Variants in DENND4C observed in about 807,000 individuals in gnomAD.
The protein encoded by DENND4C is DENN domain-containing protein 4C.
DENND4C carries 108 observed loss-of-function variants against 203.0 expected under a neutral mutation model. That is an observed-to-expected ratio of 0.53 (90% CI 0.46 to 0.62). The LOEUF is 0.62. Ranked by LOEUF, DENND4C falls within the 20% of genes least tolerant of loss-of-function variation. The pLI, the probability that DENND4C is intolerant of heterozygous loss-of-function variation, is 0.00. For synonymous variants in DENND4C, 871 were observed against 792.4 expected (o/e 1.10, Z -1.67); for missense variants, 2,481 against 2,301.2 (o/e 1.08, Z -1.60).
chr9:19,305,476 A>T lies in DENND4C; in HGVS notation c.1436A>T (p.Asp479Val), dbSNP rs1485095943. The T allele has an allele frequency of 6.2e-7, 1 of 1,613,754 alleles. No homozygotes were observed. The highest frequency in any genetic ancestry group is 8.5e-7 in the Non-Finnish European group (1 of 1,179,936). The change falls in exon 10 of 33, where the codon GAC becomes GTC. Residue 479 changes from aspartate (D) to valine (V), a missense_variant. This residue lies in a region of DENND4C where 2,289 missense variants were observed against 2,113.3 expected (regional missense o/e 1.08). Transcript: ENST00000434457. ...GACTCAAGGTATTTTGATCTTCATG[A>T]CCCACCACAAGATGTTGTTTGCATT... ...GVDSRYFDLH[D>V]PPQDVVCIDL...
At chr9:19,277,509 A>G (rs1182932819) in intron 2 of DENND4C, among the ~76,000 whole-genome samples, 1 of 152,082 alleles carries the variant, frequency 6.6e-6, no homozygotes, top group African/African-American at 2.4e-5. Context: ...TTGTGTGCTA[A>G]TCTTGCACTC....
intron 9 of DENND4C, among the ~76,000 whole-genome samples, chr9:19,302,857 C>T (rs1275981823): frequency 2.0e-5 from 3 of 152,166 alleles, no homozygotes; most frequent in Non-Finnish European, 1.5e-5. Flanking sequence ...TTATATATCC[C>T]CTTGGCTAAA....
chr9:19,306,941 C>G (rs1839803952), intron 10 of DENND4C, among the ~76,000 whole-genome samples: 2 of 151,802 alleles, frequency 1.3e-5, no homozygotes, highest in Non-Finnish European at 2.9e-5. Flanking sequence ...GCCACCACAC[C>G]TGGCTAATTT....
chr9:19,351,444 G>T (rs1364740463), intron 24 of DENND4C, among the ~76,000 whole-genome samples: 1 of 152,148 alleles, frequency 6.6e-6, no homozygotes, highest in African/African-American at 2.4e-5. Context: ...TGTCATTGAA[G>T]TTTCTTACTC....
intron 12 of DENND4C, among the ~76,000 whole-genome samples, chr9:19,321,932 C>T (rs1842953458): frequency 2.0e-5 from 3 of 151,658 alleles, no homozygotes; most frequent in Non-Finnish European, 4.4e-5. Context: ...ATGGTTTGTC[C>T]TTAGATAGGA....
intron 1 of DENND4C, among the ~76,000 whole-genome samples, chr9:19,251,283 T>C (rs1248596629): frequency 2.0e-5 from 3 of 152,246 alleles, no homozygotes; most frequent in African/African-American, 7.2e-5. Context: ...GAGCTGTACC[T>C]TGGCTCATTT....
intron 1 of DENND4C, among the ~76,000 whole-genome samples, chr9:19,244,970 A>G (rs1001119635): frequency 6.6e-6 from 1 of 152,220 alleles, no homozygotes; most frequent in African/African-American, 2.4e-5. Flanking sequence ...ATCAAGAATA[A>G]TAGAAAAAAA....
intron 2 of DENND4C, among the ~76,000 whole-genome samples, chr9:19,281,021 G>A (rs559315142): frequency 2.6e-5 from 4 of 152,304 alleles, no homozygotes; most frequent in African/African-American, 9.6e-5. Flanking sequence ...GATTACAGGA[G>A]TGAGCCACTG....
rs141972898 is a variant in DENND4C, at chr9:19,374,117, T to C, written c.*1944T>C. Among the ~76,000 whole-genome samples, 12 of 152,322 alleles carry C rather than the reference T, an allele frequency of 7.9e-5. No homozygotes were observed. The East Asian group carries it at 2.1e-3, about 27-fold the overall frequency. ...ATATAAAAATTGAGGTTGAATAAAA[T>C]GAAAAATTGTTGTTTTCTGTTACAT... On this transcript the variant is annotated 3_prime_UTR_variant, in exon 33 of 33. Transcript: ENST00000434457.
Position 19,316,756 on chromosome 9 carries a change from A to C in DENND4C, c.1724A>C (p.Lys575Thr). 1 of 1,614,124 alleles carries C rather than the reference A, an allele frequency of 6.2e-7. No homozygotes were observed. Among genetic ancestry groups the C allele is most frequent in the East Asian group, 2.2e-5 (1 of 44,862 alleles). The change falls in exon 12 of 33, where the codon AAA becomes ACA. Residue 575 changes from lysine to threonine, a missense_variant. By Grantham distance (78) the Lys-to-Thr change is moderately conservative. Coordinates refer to ENST00000434457, the MANE Select transcript of DENND4C (RefSeq NM_001330640.2). ...AFLRFMASIL[K>T]GYRTYLRPIT... ...TTGCGCTTTATGGCGTCTATTTTAA[A>C]AGGATATAGAACATATCTCAGACCA...
intron 10 of DENND4C, 72 bp downstream of exon 10, chr9:19,305,599 A>T: frequency 7.1e-7 from 1 of 1,409,750 alleles, no homozygotes. Flanking sequence ...CTTTGAAAGC[A>T]TCTAGAAATA....
chr9:19,271,122 T>C (rs1212732631), intron 1 of DENND4C, among the ~76,000 whole-genome samples: 2 of 151,484 alleles, frequency 1.3e-5, no homozygotes, highest in Admixed American at 1.3e-4. Context: ...ATTAGAAGAC[T>C]CAATAACCCT....
intron 1 of DENND4C, among the ~76,000 whole-genome samples, chr9:19,266,989 A>C (rs552962213): frequency 2.8e-4 from 43 of 152,204 alleles, no homozygotes; most frequent in African/African-American, 1.0e-3. Flanking sequence ...ACGTACTTTC[A>C]GTTTTGTTTT....
chr9:19,368,170 C>T (rs986951882), intron 30 of DENND4C, among the ~76,000 whole-genome samples: 1 of 151,412 alleles, frequency 6.6e-6, no homozygotes, highest in African/African-American at 2.4e-5. Context: ...TAACACTATT[C>T]AAAGTCTATC....
At chr9:19,235,756 G>A (rs1322879976) in intron 1 of DENND4C, among the ~76,000 whole-genome samples, 3 of 151,820 alleles carry the variant, frequency 2.0e-5, no homozygotes, top group Non-Finnish European at 4.4e-5. Context: ...GACTTTAGGT[G>A]CCCGCCACCA....
Position 19,305,441 on chromosome 9 carries a change from A to T in DENND4C, c.1401A>T (p.Ile467=), listed in dbSNP as rs1436036463. 6.2e-7 allele frequency: 1 copy of T among 1,613,970 alleles called. No individual in the cohort carries two copies. Among genetic ancestry groups the T allele is most frequent in the Admixed American group, 1.7e-5 (1 of 60,008 alleles). ...TGCTTAGTGCACCTTTACCATTTATAGTTGGAGTTGACTCAAGGTATTTTG... is the reference window on the plus strand; with the variant it reads ...TGCTTAGTGCACCTTTACCATTTATTGTTGGAGTTGACTCAAGGTATTTTG... ...AAVLSAPLPF[I]VGVDSRYFDL... Residue 467 remains isoleucine, a synonymous_variant, in exon 10 of 33, where the codon ATA becomes ATT. Transcript: ENST00000434457.
At chr9:19,313,802 C>T (rs919171673) in intron 10 of DENND4C, among the ~76,000 whole-genome samples, 3 of 152,160 alleles carry the variant, frequency 2.0e-5, no homozygotes, top group Non-Finnish European at 2.9e-5. Flanking sequence ...CAGTAGCGTG[C>T]TGTCAAACTC....
chr9:19,254,933 G>T lies in DENND4C; in HGVS notation c.-17-21225G>T, dbSNP rs572419342. On this transcript the variant is annotated intron_variant, in intron 1 of 32. Coordinates refer to ENST00000434457, the MANE Select transcript of DENND4C (RefSeq NM_001330640.2). ...GATCATCTTGAGGTCAGGAGTTCAG[G>T]ACCAGCCTGGCCAATATGGTGAAAC... Among the ~76,000 whole-genome samples, 208 of 149,754 alleles carry T rather than the reference G, an allele frequency of 1.4e-3. 2 individuals carry two copies. Among genetic ancestry groups the T allele is most frequent in the African/African-American group, 4.8e-3 (194 of 40,550 alleles).
rs781071017 is a variant in DENND4C at position 19,346,848 on chromosome 9, A to G, written c.4079A>G (p.Lys1360Arg). 6.2e-7 allele frequency: 1 copy of G among 1,614,214 alleles called. No homozygotes were observed. Among genetic ancestry groups the G allele is most frequent in the East Asian group, 2.2e-5 (1 of 44,880 alleles). Residue 1360 changes from lysine (K) to arginine (R), a missense_variant, in exon 23 of 33, where the codon AAG (lysine) becomes AGG (arginine). Lys to Arg is a conservative substitution (Grantham distance 26). Coordinates refer to ENST00000434457, the MANE Select transcript of DENND4C (RefSeq NM_001330640.2). ...TCTAAAACTTTTACTGGGCGTTTCA[A>G]GCAGCAAACCCCCTCTCGAACTCAT... ...SRSKTFTGRF[K>R]QQTPSRTHKE...
Sources: allele counts gnomAD v4.1 joint callset (sites outside exome capture counted in the v4.1 genomes callset), GRCh38; gene constraint gnomAD v4.1.1; regional missense constraint gnomAD v4.1.1; transcripts MANE v1.5; gene names NCBI Gene and HGNC (gene_info 2026-07-23, HGNC 2026-07-21).